IGFL2: variants seen among roughly 807,000 people sequenced by gnomAD.
IGFL2 encodes insulin growth factor-like family member 2.
In IGFL2, 7 loss-of-function variants were observed where a neutral mutation model predicts 13.9. The observed-to-expected ratio is 0.51, with a 90% confidence interval of 0.29 to 0.95. The LOEUF (loss-of-function observed/expected upper bound fraction) is 0.95. Ranked by LOEUF, IGFL2 falls within the 40% of genes least tolerant of loss-of-function variation. The pLI is 0.08. For synonymous variants in IGFL2, 55 were observed against 55.8 expected (o/e 0.99, Z 0.07); for missense variants, 138 against 147.8 (o/e 0.93, Z 0.34).
At chr19:46,092,649 AT>A in the IGFL2 span, among the ~76,000 whole-genome samples, 117 of 145,782 alleles carry the variant, frequency 8.0e-4, 2 homozygotes, top group African/African-American at 2.4e-3. Context: ...CAAAAAAAAA[AT>A]TTTTTTTTTT....
At chr19:46,170,812 G>A in the IGFL2 span, among the ~76,000 whole-genome samples, 7 of 152,122 alleles carry the variant, frequency 4.6e-5, no homozygotes, top group Admixed American at 2.6e-4. Flanking sequence ...CCAGCCTGGC[G>A]AATTCTAGTC....
At chr19:46,155,343 C>T (rs1057216927) in intron 1 of IGFL2, among the ~76,000 whole-genome samples, 5 of 151,806 alleles carry the variant, frequency 3.3e-5, no homozygotes, top group African/African-American at 7.3e-5. Flanking sequence ...TTTTCTTGTC[C>T]GTGACTACCC....
the IGFL2 span, among the ~76,000 whole-genome samples, chr19:46,103,647 G>A: frequency 6.6e-6 from 1 of 152,148 alleles, no homozygotes; most frequent in Non-Finnish European, 1.5e-5. Context: ...AGTTGAGAAT[G>A]GTGAATAGGA....
the IGFL2 span, among the ~76,000 whole-genome samples, chr19:46,171,679 G>GT: frequency 6.6e-6 from 1 of 152,124 alleles, no homozygotes; most frequent in Non-Finnish European, 1.5e-5. Context: ...CTAGTCTATT[G>GT]TTGACTTACC....
chr19:46,121,113 C>T, the IGFL2 span, among the ~76,000 whole-genome samples: 1 of 150,200 alleles, frequency 6.7e-6, no homozygotes, highest in Non-Finnish European at 1.5e-5. Flanking sequence ...AGTGGTGGCT[C>T]ACTCCTATAG....
the IGFL2 span, among the ~76,000 whole-genome samples, chr19:46,083,566 A>C: frequency 6.6e-6 from 1 of 152,198 alleles, no homozygotes; most frequent in Non-Finnish European, 1.5e-5. Flanking sequence ...TATAATCTCT[A>C]TTTCTGAACA....
chr19:46,088,944 C>A, the IGFL2 span, among the ~76,000 whole-genome samples: 1 of 152,182 alleles, frequency 6.6e-6, no homozygotes, highest in Non-Finnish European at 1.5e-5. Context: ...ATTCTATGAA[C>A]ATGACTGGGT....
At chr19:46,089,221 T>C in the IGFL2 span, among the ~76,000 whole-genome samples, 1 of 152,312 alleles carries the variant, frequency 6.6e-6, no homozygotes, top group East Asian at 1.9e-4. Flanking sequence ...CATATGTTAT[T>C]TTAAGCTGAT....
At chr19:46,164,623 TC>T, downstream of IGFL2, 1 of 152,362 alleles carries the variant, frequency 6.6e-6, no homozygotes, top group Admixed American at 6.5e-5. Flanking sequence ...CCCCATTTCC[TC>T]AGAGGGTCAA....
the IGFL2 span, chr19:46,209,402 A>T: frequency 6.6e-6 from 1 of 152,212 alleles, no homozygotes. Context: ...TCTTCTCCAC[A>T]GCCCACCTTT....
the IGFL2 span, chr19:46,190,214 G>C: frequency 1.3e-5 from 2 of 152,144 alleles, no homozygotes; most frequent in South Asian, 2.1e-4. Context: ...TTGATGGGGG[G>C]GTTGCTCACA....
upstream of IGFL2, chr19:46,147,952 T>G: frequency 6.4e-6 from 2 of 312,574 alleles, no homozygotes; most frequent in Non-Finnish European, 1.2e-5. Context: ...CCAAGGAATC[T>G]CTTTCAAGTC....
chr19:46,201,378 A>G, the IGFL2 span, among the ~76,000 whole-genome samples: 2 of 152,242 alleles, frequency 1.3e-5, no homozygotes, highest in Non-Finnish European at 2.9e-5. Context: ...CCTGCCTTGC[A>G]TTCTGGCCTC....
At chr19:46,088,284 G>C in the IGFL2 span, among the ~76,000 whole-genome samples, 20 of 152,262 alleles carry the variant, frequency 1.3e-4, no homozygotes, top group Non-Finnish European at 2.8e-4. Context: ...CTGTGTTAAA[G>C]TCTTTCCTTT....
upstream of IGFL2, among the ~76,000 whole-genome samples, chr19:46,144,605 A>G (rs1273764838): frequency 6.6e-6 from 1 of 152,242 alleles, no homozygotes; most frequent in Non-Finnish European, 1.5e-5. Flanking sequence ...AGTATAAAAT[A>G]TGTATTCAAA....
At chr19:46,115,601 CAG>C in the IGFL2 span, among the ~76,000 whole-genome samples, 4 of 152,038 alleles carry the variant, frequency 2.6e-5, no homozygotes, top group Non-Finnish European at 4.4e-5. Flanking sequence ...AGATTCACCT[CAG>C]GGTGAATCTG....
the IGFL2 span, among the ~76,000 whole-genome samples, chr19:46,090,291 T>A: frequency 6.6e-6 from 1 of 152,250 alleles, no homozygotes; most frequent in South Asian, 2.1e-4. Context: ...GTATTTTCTT[T>A]AAGTTTGCTG....
chr19:46,186,383 A>T, the IGFL2 span, among the ~76,000 whole-genome samples: 1 of 152,206 alleles, frequency 6.6e-6, no homozygotes. Flanking sequence ...GATATTACCC[A>T]GCTGCGGTGT....
downstream of IGFL2, among the ~76,000 whole-genome samples, chr19:46,166,090 TA>T (rs536082483): frequency 3.1e-3 from 466 of 152,340 alleles, 3 homozygotes; most frequent in Non-Finnish European, 5.1e-3. Context: ...GTTCTGTTTC[TA>T]ACTTCCAAAA....
Sources: allele counts gnomAD v4.1 joint callset (sites outside exome capture counted in the v4.1 genomes callset), GRCh38; gene constraint gnomAD v4.1.1; transcripts MANE v1.5; gene names NCBI Gene and HGNC (gene_info 2026-07-23, HGNC 2026-07-21).